ATP8B1: variants seen among roughly 807,000 people sequenced by gnomAD.
The protein encoded by ATP8B1 is ATPase phospholipid transporting 8B1, also known as phospholipid-transporting ATPase IC.
In ATP8B1, 80 loss-of-function variants were observed where a neutral mutation model predicts 149.9. The ratio of observed to expected loss-of-function variants is 0.53; its 90% CI spans 0.45 to 0.64. ATP8B1 has a LOEUF of 0.64. ATP8B1 is among the 30% of genes least tolerant of loss of function. The pLI, the probability that ATP8B1 is intolerant of heterozygous loss-of-function variation, is 0.00. For synonymous variants in ATP8B1, 536 were observed against 562.8 expected (o/e 0.95, Z 0.67); for missense variants, 1,247 against 1,552.6 (o/e 0.80, Z 3.31).
At position 57,648,290 on chromosome 18, in the gene ATP8B1, A is replaced by G; in HGVS notation, c.*198T>C. On this transcript the variant is annotated 3_prime_UTR_variant, in exon 28 of 28. Coordinates refer to ENST00000648908, the MANE Select transcript of ATP8B1 (RefSeq NM_001374385.1). The stretch of plus-strand genomic sequence containing the variant: ...CCTGAGCCACCACGCCCGGCCGAAT[A>G]ATAGGACTTTTAAAAGTCCTATTTC... The G allele has an allele frequency of 1.4e-6, 1 of 724,326 alleles. No homozygotes were observed. Among genetic ancestry groups the G allele is most frequent in the South Asian group, 1.7e-5 (1 of 59,828 alleles). The allele number at this position is 724,326 out of a possible 1,614,324, so 44.9% of individuals were successfully genotyped here. A position where few individuals can be genotyped will look rare whatever the true frequency, so the allele number is the denominator to read the frequency against.
At chr18:57,734,306 C>G (rs1276879100) in intron 1 of ATP8B1, among the ~76,000 whole-genome samples, 4 of 152,184 alleles carry the variant, frequency 2.6e-5, no homozygotes, top group Non-Finnish European at 5.9e-5. Flanking sequence ...TCTCCTGCCT[C>G]AGCCTCCTGA....
intron 1 of ATP8B1, among the ~76,000 whole-genome samples, chr18:57,797,707 T>TC (rs1568076489): frequency 3.1e-5 from 3 of 96,394 alleles, no homozygotes; most frequent in African/African-American, 1.6e-4. Flanking sequence ...TTCTTTCTTT[T>TC]TTTTTTTTTT....
chr18:57,763,172 T>A (rs2080172902), intron 1 of ATP8B1, among the ~76,000 whole-genome samples: 1 of 152,150 alleles, frequency 6.6e-6, no homozygotes, highest in African/African-American at 2.4e-5. Flanking sequence ...AGCGGGCAGA[T>A]CACCTGAGGT....
intron 1 of ATP8B1, among the ~76,000 whole-genome samples, chr18:57,789,130 A>G (rs1259510237): frequency 6.6e-6 from 1 of 152,206 alleles, no homozygotes; most frequent in East Asian, 1.9e-4. Context: ...TAAAGAACAC[A>G]TCATTTTTAG....
chr18:57,688,675 A>G (rs1912382139), intron 12 of ATP8B1, 168 bp from the exon 13 acceptor site: 1 of 724,842 alleles, frequency 1.4e-6, no homozygotes. Context: ...CCCCAATTCA[A>G]CAGTATTGAG....
rs1426118647 is a variant in ATP8B1 at position 57,761,664 on chromosome 18, A to T, written c.-25-29832T>A. On this transcript the variant is annotated intron_variant, in intron 1 of 27. Transcript: ENST00000648908. ...TTTTTCTTTTCCTATTTTTTTTTTT[A>T]ATGGACTAGGCCAGGTACAGTGGCT... is the stretch of plus-strand genomic sequence containing the variant. Among the ~76,000 whole-genome samples, 4 of 150,490 alleles carry T rather than the reference A, an allele frequency of 2.7e-5. No individual in the cohort carries two copies. The East Asian group carries it at 5.8e-4, about 22-fold the overall frequency.
At position 57,667,295 on chromosome 18, in the gene ATP8B1, A is replaced by G. The variant is rs317846; in HGVS notation, c.2210-128T>C. On this transcript the variant is annotated intron_variant, in intron 19 of 27. Coordinates refer to ENST00000648908, the MANE Select transcript of ATP8B1 (RefSeq NM_001374385.1). ...TGCAGTGGCACAATCTCTGCTCACT[A>G]CAGCCTCAACCTCCAGGATTCAAGT... The G allele has an allele frequency of 1, 737,978 of 739,280 alleles. 368,358 individuals are homozygous for G. The highest frequency in any genetic ancestry group is 1 in the South Asian group (65,121 of 65,124). The allele number at this position is 739,280 out of a possible 1,614,324, so 45.8% of individuals were successfully genotyped here. A position where few individuals can be genotyped will look rare whatever the true frequency, so the allele number is the denominator to read the frequency against.
chr18:57,797,763 A>G (rs2080529960), intron 1 of ATP8B1, among the ~76,000 whole-genome samples: 1 of 143,468 alleles, frequency 7.0e-6, no homozygotes, highest in Non-Finnish European at 1.5e-5. Flanking sequence ...GCTGGAGTAC[A>G]ATGGCAAGGT....
rs375448281 is a variant in ATP8B1 at position 57,646,968 on chromosome 18, T to C, written c.*1520A>G. 11 of 152,220 alleles carry C rather than the reference T, an allele frequency of 7.2e-5. No homozygotes were observed. Among genetic ancestry groups the C allele is most frequent in the African/African-American group, 2.7e-4 (11 of 41,452 alleles). The allele number at this position is 152,220 out of a possible 1,614,324, so 9.4% of individuals were successfully genotyped here. The stretch of plus-strand genomic sequence containing the variant: ...TCTCCTCTTTGAGGAGTTTCCATAA[T>C]TACCTAAAGTTATCTTCAAATTTAA... On this transcript the variant is annotated 3_prime_UTR_variant, in exon 28 of 28. Transcript: ENST00000648908.
At chr18:57,716,906 A>G (rs1308244319) in intron 2 of ATP8B1, among the ~76,000 whole-genome samples, 1 of 152,254 alleles carries the variant, frequency 6.6e-6, no homozygotes, top group African/African-American at 2.4e-5. Context: ...ATTCTCAAAG[A>G]CAGAACGTAT....
At chr18:57,685,020 G>A in intron 14 of ATP8B1, 52 bp downstream of exon 14, 1 of 1,599,552 alleles carries the variant, frequency 6.3e-7, no homozygotes, top group South Asian at 1.1e-5. Context: ...GGCCCTGCTG[G>A]GACCCTGACA....
At chr18:57,698,155 C>A (rs1182881606) in intron 6 of ATP8B1, among the ~76,000 whole-genome samples, 1 of 151,996 alleles carries the variant, frequency 6.6e-6, no homozygotes, top group Non-Finnish European at 1.5e-5. Context: ...TTGCCACCCC[C>A]TTTTGTTTTT....
chr18:57,746,046 C>G (rs2079961011), intron 1 of ATP8B1, among the ~76,000 whole-genome samples: 1 of 152,190 alleles, frequency 6.6e-6, no homozygotes. Context: ...AAATGTTTTA[C>G]AGTATTAACC....
intron 22 of ATP8B1, among the ~76,000 whole-genome samples, chr18:57,659,147 A>G (rs1414189116): frequency 6.6e-6 from 1 of 152,114 alleles, no homozygotes; most frequent in African/African-American, 2.4e-5. Context: ...ATGGTGGCTC[A>G]TGCCTGTAGT....
chr18:57,658,079 T>C (rs12969467), intron 22 of ATP8B1, among the ~76,000 whole-genome samples: 68,657 of 150,840 alleles, frequency 0.46, 15,945 homozygotes, highest in East Asian at 0.51. Context: ...TGGAGTCTTT[T>C]TCTGTCGCCC....
chr18:57,679,370 G>C (rs959746892), intron 15 of ATP8B1, among the ~76,000 whole-genome samples: 3 of 152,066 alleles, frequency 2.0e-5, no homozygotes, highest in Non-Finnish European at 2.9e-5. Flanking sequence ...TGTATCCCCT[G>C]AACCTAAAAT....
chr18:57,652,525 C>T lies in ATP8B1; in HGVS notation c.3220G>A (p.Val1074Ile), dbSNP rs754583409. 8.6e-5 allele frequency: 139 copies of T among 1,614,056 alleles called. 2 individuals carry two copies. The South Asian group carries it at 1.0e-3, about 12-fold the overall frequency. The change falls in exon 25 of 28, where the codon GTC becomes ATC. Residue 1074 changes from valine to isoleucine, a missense_variant. Around this residue, in one of 3 missense-constraint regions of ATP8B1, gnomAD observed 230 missense variants for 356.6 expected, o/e 0.65. Coordinates refer to ENST00000648908, the MANE Select transcript of ATP8B1 (RefSeq NM_001374385.1). ...EAPSDYQSFAVTIASALVITV... is the reference protein window; with the variant it reads ...EAPSDYQSFAITIASALVITV... Reference sequence around the variant, plus strand: ...ATTACAAGAGCAGAGGCAATGGTGACGGCAAAAGACTGGTAGTCGGAAGGT... The same window carrying T: ...ATTACAAGAGCAGAGGCAATGGTGATGGCAAAAGACTGGTAGTCGGAAGGT...
At chr18:57,659,060 G>C (rs750702134) in intron 22 of ATP8B1, among the ~76,000 whole-genome samples, 11 of 152,092 alleles carry the variant, frequency 7.2e-5, no homozygotes, top group Non-Finnish European at 1.6e-4. Context: ...CAGACTGATT[G>C]AGCCCAGGAG....
At chr18:57,782,442 A>T (rs1404072901) in intron 1 of ATP8B1, among the ~76,000 whole-genome samples, 1 of 152,206 alleles carries the variant, frequency 6.6e-6, no homozygotes, top group African/African-American at 2.4e-5. Context: ...GGCATCCTAT[A>T]AAGAGTAGAC....
Sources: gnomAD v4.1 joint callset for allele counts (sites outside exome capture counted in the v4.1 genomes callset) on GRCh38, gnomAD v4.1.1 for gene constraint, gnomAD v4.1.1 regional missense constraint, MANE v1.5 for transcripts, NCBI Gene and HGNC (gene_info 2026-07-23, HGNC 2026-07-21) for gene names.